The following MAGEL2 variants were observed in gnomAD, a reference collection of about 807,000 sequenced individuals.
MAGEL2 encodes MAGE family member L2, also known as MAGE-like protein 2.
For synonymous variants in MAGEL2, 792 were observed against 721.7 expected, an observed-to-expected ratio of 1.10 and a Z score of -1.56; for missense variants, 1,830 against 1,699.2, an observed-to-expected ratio of 1.08 and a Z score of -1.35.
At position 23,645,147 on chromosome 15, in the gene MAGEL2, C is replaced by T; in HGVS notation, c.2596G>A (p.Ala866Thr). 2.5e-6 allele frequency: 4 copies of T among 1,613,718 alleles called. No homozygotes were observed. In the South Asian group the frequency reaches 3.3e-5, roughly 13 times the overall value. ...MATAAAPQAT[A>T]TTQEASKTSV... ...GTCTTGGAGGCCTCTTGAGTGGTGG[C>T]AGTTGCCTGGGGGGCAGCTGCTGTA... Residue 866 changes from alanine (A) to threonine (T), a missense_variant, in exon 1 of 1, where the codon GCC becomes ACC. Transcript: ENST00000650528.
rs1440316054 is a variant in MAGEL2 at position 23,646,024 on chromosome 15, T to TGGGGCAGACAGC, written c.1707_1718dup (p.Leu574_Pro577dup). On this transcript the variant is annotated inframe_insertion, in exon 1 of 1. Transcript: ENST00000650528. This position sits in a 1 kb window ranked among gnomAD's most constrained non-coding sequence, Gnocchi z 4.2. ...AGTGCACAGCCTGCGGGGCAGACAG[T>TGGGGCAGACAGC]GGGGCAGACAGCGGGGCCGGCAGCA... The TGGGGCAGACAGC allele has an allele frequency of 5.2e-6, 8 of 1,545,336 alleles. No individual in the cohort carries two copies. The highest frequency in any genetic ancestry group is 3.6e-5 in the South Asian group (3 of 83,764).
In MAGEL2 at chr15:23,646,893, G is replaced by C; in HGVS notation, c.850C>G (p.Pro284Ala). 1 of 1,537,032 alleles carries C rather than the reference G, an allele frequency of 6.5e-7. No individual in the cohort carries two copies. Among genetic ancestry groups the C allele is most frequent in the Non-Finnish European group, 8.7e-7 (1 of 1,146,880 alleles). Residue 284 changes from proline (P) to alanine (A), a missense_variant, in exon 1 of 1, where the codon CCA becomes GCA. By Grantham distance (27) the Pro-to-Ala change is conservative. Coordinates refer to ENST00000650528, the MANE Select transcript of MAGEL2 (RefSeq NM_019066.5). The surrounding 1 kb of genome is among the most constrained non-coding windows in gnomAD (Gnocchi z 4.2). ...GGAGGATGAATCATCAGGACTCCTG[G>C]ACCTGGAGGCTTGGCCATCGGTGCT... Reference protein sequence around the residue: ...SGAPMAKPPGPGVLMIHPPGA... With the variant: ...SGAPMAKPPGAGVLMIHPPGA...
At position 23,646,786 on chromosome 15, in the gene MAGEL2, C is replaced by A; in HGVS notation, c.957G>T (p.Met319Ile). The change falls in exon 1 of 1, where the codon ATG becomes ATT. Residue 319 changes from methionine to isoleucine, a missense_variant. Met to Ile is a conservative substitution (Grantham distance 10). Coordinates refer to ENST00000650528, the MANE Select transcript of MAGEL2 (RefSeq NM_019066.5). The surrounding 1 kb of genome is among the most constrained non-coding windows in gnomAD (Gnocchi z 4.2). ...AQPAAPPAQP[M>I]APPAQPMASW... ...AAGCCATCGGCTGTGCAGGTGGGGC[C>A]ATCGGCTGTGCAGGTGGGGCCGCCG... The A allele has an allele frequency of 6.5e-7, 1 of 1,535,922 alleles. No homozygotes were observed. The highest frequency in any genetic ancestry group is 8.7e-7 in the Non-Finnish European group (1 of 1,146,814).
At position 23,644,668 on chromosome 15, in the gene MAGEL2, A is replaced by G. The variant is rs758835928; in HGVS notation, c.3075T>C (p.Asn1025=). The change falls in exon 1 of 1, where the codon AAT becomes AAC. Residue 1025 remains asparagine (N), a synonymous_variant. Transcript: ENST00000650528. ...TGACTAAGAGGAACTGCACCAACGCATTTGCCCTCTCATCCAAGGGAGACA... is the reference window on the plus strand; with the variant it reads ...TGACTAAGAGGAACTGCACCAACGCGTTTGCCCTCTCATCCAAGGGAGACA... ...QPLSPLDERA[N]ALVQFLLVKD... is the part of the protein sequence containing the mutation. 7.4e-6 allele frequency: 12 copies of G among 1,613,718 alleles called. No individual in the cohort carries two copies. In the South Asian group the frequency reaches 1.2e-4, roughly 16 times the overall value.
Position 23,644,919 on chromosome 15 carries a change from C to A in MAGEL2, c.2824G>T (p.Gly942Cys), listed in dbSNP as rs777917199. The A allele has an allele frequency of 6.2e-7, 1 of 1,613,468 alleles. No homozygotes were observed. The highest frequency in any genetic ancestry group is 1.7e-5 in the Admixed American group (1 of 60,030). The change falls in exon 1 of 1, where the codon GGC (glycine) becomes TGC (cysteine). Residue 942 changes from glycine to cysteine, a missense_variant. By Grantham distance (159) the Gly-to-Cys change is radical. Transcript: ENST00000650528. ...GDWEHPNTPRGLSGWEGPSTS... is the reference protein window; with the variant it reads ...GDWEHPNTPRCLSGWEGPSTS... Reference sequence around the variant, plus strand: ...CTAGGGCCCTCCCAACCACTCAGGCCACGGGGGGTGTTTGGGTGCTCCCAG... The same window carrying A: ...CTAGGGCCCTCCCAACCACTCAGGCAACGGGGGGTGTTTGGGTGCTCCCAG...
In MAGEL2 at chr15:23,647,090, G is replaced by A. The variant is rs780666545; in HGVS notation, c.653C>T (p.Pro218Leu). 9.1e-6 allele frequency: 14 copies of A among 1,533,310 alleles called. No individual in the cohort carries two copies. Among genetic ancestry groups the A allele is most frequent in the African/African-American group, 1.4e-5 (1 of 72,894 alleles). 95.0% of individuals were successfully genotyped at this position (1,533,310 alleles called of 1,614,324 possible). ...PMAHPPPPGT[P>L]MAHPPPPGTP... ...ACCCGGAGGGGGAGGATGAGCCATC[G>A]GTGTCCCCGGAGGTGGAGGATGAGC... The change falls in exon 1 of 1, where the codon CCG becomes CTG. Residue 218 changes from proline (P) to leucine (L), a missense_variant. Coordinates refer to ENST00000650528, the MANE Select transcript of MAGEL2 (RefSeq NM_019066.5).
In MAGEL2 at chr15:23,643,945, G is replaced by A; in HGVS notation, c.*48C>T. ...ACAAAAATGTCCCCCCACCCTGTCA[G>A]TGGCCTCTGGCCAGGGAAACACAGG... On this transcript the variant is annotated 3_prime_UTR_variant, in exon 1 of 1. Coordinates refer to ENST00000650528, the MANE Select transcript of MAGEL2 (RefSeq NM_019066.5). 1 of 1,494,220 alleles carries A rather than the reference G, an allele frequency of 6.7e-7. No homozygotes were observed. Among genetic ancestry groups the A allele is most frequent in the African/African-American group, 1.4e-5 (1 of 71,634 alleles). The allele number at this position is 1,494,220 out of a possible 1,614,324, so 92.6% of individuals were successfully genotyped here.
At position 23,645,939 on chromosome 15, in the gene MAGEL2, T is replaced by C. The variant is rs572717968; in HGVS notation, c.1804A>G (p.Thr602Ala). ...TGCACCTCCTGGAATTCCATTGACG[T>C]TGGAATCTCGTGTGGCACCGGGGGC... is the stretch of plus-strand genomic sequence containing the variant. ...GQPPVPHEIP[T>A]SMEFQEVQQT... The change falls in exon 1 of 1, where the codon ACG becomes GCG. Residue 602 changes from threonine (T) to alanine (A), a missense_variant. Physicochemically the swap from Thr to Ala is moderately conservative, Grantham distance 58 (BLOSUM62 0). Transcript: ENST00000650528. 3 of 1,569,286 alleles carry C rather than the reference T, an allele frequency of 1.9e-6. No homozygotes were observed. Among genetic ancestry groups the C allele is most frequent in the African/African-American group, 1.4e-5 (1 of 73,810 alleles).
In MAGEL2 at chr15:23,644,560, G is replaced by A; in HGVS notation, c.3183C>T (p.Ile1061=). The part of the protein sequence containing the change: ...LREYKDECLD[I]INRANNKLEC... ...CCAGCTTATTGTTGGCACGGTTGAT[G>A]ATATCTAAGCACTCATCTTTATACT... is the stretch of plus-strand genomic sequence containing the variant. The change falls in exon 1 of 1, where the codon ATC becomes ATT. Residue 1061 remains isoleucine (I), a synonymous_variant. Coordinates refer to ENST00000650528, the MANE Select transcript of MAGEL2 (RefSeq NM_019066.5). 2 of 1,613,916 alleles carry A rather than the reference G, an allele frequency of 1.2e-6. No individual in the cohort carries two copies. The highest frequency in any genetic ancestry group is 1.7e-6 in the Non-Finnish European group (2 of 1,179,884).
At position 23,646,340 on chromosome 15, in the gene MAGEL2, G is replaced by T; in HGVS notation, c.1403C>A (p.Ala468Asp). Reference sequence around the variant, plus strand: ...TGGGGCCTGGCGGATCACAGGTGGGGCCTGGCGGATCACAGCGGGGGCCTG... The same window carrying T: ...TGGGGCCTGGCGGATCACAGGTGGGTCCTGGCGGATCACAGCGGGGGCCTG... Reference protein sequence around the residue: ...IRQAPAVIRQAPPVIRQAPPV... With the variant: ...IRQAPAVIRQDPPVIRQAPPV... Residue 468 changes from alanine (A) to aspartate (D), a missense_variant, in exon 1 of 1, where the codon GCC becomes GAC. Coordinates refer to ENST00000650528, the MANE Select transcript of MAGEL2 (RefSeq NM_019066.5). This position sits in a 1 kb window ranked among gnomAD's most constrained non-coding sequence, Gnocchi z 4.2. 7.3e-7 allele frequency: 1 copy of T among 1,377,372 alleles called. No individual in the cohort carries two copies. The highest frequency in any genetic ancestry group is 9.3e-7 in the Non-Finnish European group (1 of 1,076,028). 85.3% of individuals were successfully genotyped at this position (1,377,372 alleles called of 1,614,324 possible).
At position 23,643,963 on chromosome 15, in the gene MAGEL2, AAC is replaced by A. The variant is rs750303660; in HGVS notation, c.*28_*29del. On this transcript the variant is annotated 3_prime_UTR_variant, in exon 1 of 1. Coordinates refer to ENST00000650528, the MANE Select transcript of MAGEL2 (RefSeq NM_019066.5). ...CCTGTCAGTGGCCTCTGGCCAGGGA[AAC>A]ACAGGAGCGAGATCTCTGCTACACC... 8 of 1,520,440 alleles carry A rather than the reference AAC, an allele frequency of 5.3e-6. No homozygotes were observed. In the South Asian group the frequency reaches 1.1e-4, roughly 21 times the overall value. The allele number at this position is 1,520,440 out of a possible 1,614,324, so 94.2% of individuals were successfully genotyped here.
In MAGEL2 at chr15:23,646,439, G is replaced by T. The variant is rs2233062; in HGVS notation, c.1304C>A (p.Pro435Gln). The T allele has an allele frequency of 3.5e-6, 5 of 1,424,178 alleles. No homozygotes were observed. Among genetic ancestry groups the T allele is most frequent in the Non-Finnish European group, 3.6e-6 (4 of 1,098,490 alleles). The allele number at this position is 1,424,178 out of a possible 1,614,324, so 88.2% of individuals were successfully genotyped here. ...CACCGGTGGGGCCTGGCGGATCAGC[G>T]GTGGGGCCTGTCGCACCGGTGGTGG... ...PGPPPVRQAP[P>Q]LIRQAPPVIR... Residue 435 changes from proline to glutamine, a missense_variant, in exon 1 of 1, where the codon CCG becomes CAG. Physicochemically the swap from Pro to Gln is moderately conservative, Grantham distance 76. Transcript: ENST00000650528. This position sits in a 1 kb window ranked among gnomAD's most constrained non-coding sequence, Gnocchi z 4.2.
Position 23,646,590 on chromosome 15 carries a change from T to C in MAGEL2, c.1153A>G (p.Thr385Ala), listed in dbSNP as rs1360596249. The C allele has an allele frequency of 1.4e-6, 2 of 1,469,416 alleles. No homozygotes were observed. Among genetic ancestry groups the C allele is most frequent in the African/African-American group, 1.4e-5 (1 of 70,904 alleles). The allele number at this position is 1,469,416 out of a possible 1,614,324, so 91.0% of individuals were successfully genotyped here. A position where few individuals can be genotyped will look rare whatever the true frequency, so the allele number is the denominator to read the frequency against. The change falls in exon 1 of 1, where the codon ACT (threonine) becomes GCT (alanine). Residue 385 changes from threonine (T) to alanine (A), a missense_variant. Physicochemically the swap from Thr to Ala is moderately conservative, Grantham distance 58 (BLOSUM62 0). Coordinates refer to ENST00000650528, the MANE Select transcript of MAGEL2 (RefSeq NM_019066.5). This position sits in a 1 kb window ranked among gnomAD's most constrained non-coding sequence, Gnocchi z 4.2. ...TGCGTGGTCTGCCAAGTCAGGGGAG[T>C]GGCCTGCCAGCCTTGCTGCGTGGCC... The part of the protein sequence containing the change: ...WQATQQGWQA[T>A]PLTWQTTQVT...
At position 23,644,856 on chromosome 15, in the gene MAGEL2, C is replaced by A; in HGVS notation, c.2887G>T (p.Ala963Ser). ...RILSGWEGPS[A>S]SWALSAWEGP... is the part of the protein sequence containing the mutation. ...TCCCAGGCACTCAGGGCCCAGGATG[C>A]GCTGGGCCCTTCCCAGCCACTCAGG... Residue 963 changes from alanine to serine, a missense_variant, in exon 1 of 1, where the codon GCA becomes TCA. By Grantham distance (99) the Ala-to-Ser change is moderately conservative. Coordinates refer to ENST00000650528, the MANE Select transcript of MAGEL2 (RefSeq NM_019066.5). 6.2e-7 allele frequency: 1 copy of A among 1,611,900 alleles called. No individual in the cohort carries two copies. Among genetic ancestry groups the A allele is most frequent in the East Asian group, 2.2e-5 (1 of 44,856 alleles).
Position 23,643,909 on chromosome 15 carries a change from A to G in MAGEL2, c.*84T>C, listed in dbSNP as rs2063688575. 1.4e-6 allele frequency: 2 copies of G among 1,412,774 alleles called. No homozygotes were observed. The highest frequency in any genetic ancestry group is 9.3e-7 in the Non-Finnish European group (1 of 1,072,030). 87.5% of individuals were successfully genotyped at this position (1,412,774 alleles called of 1,614,324 possible). The stretch of plus-strand genomic sequence containing the variant: ...ACGTACACTCGTGGAACTGGAACAC[A>G]AACACCAGGAACAAAAATGTCCCCC... On this transcript the variant is annotated 3_prime_UTR_variant, in exon 1 of 1. Coordinates refer to ENST00000650528, the MANE Select transcript of MAGEL2 (RefSeq NM_019066.5).
chr15:23,647,789 G>A lies in MAGEL2; in HGVS notation c.-47C>T, dbSNP rs997470959. 2 of 1,430,492 alleles carry A rather than the reference G, an allele frequency of 1.4e-6. No individual in the cohort carries two copies. The highest frequency in any genetic ancestry group is 1.8e-6 in the Non-Finnish European group (2 of 1,097,512). The allele number at this position is 1,430,492 out of a possible 1,614,324, so 88.6% of individuals were successfully genotyped here. On this transcript the variant is annotated 5_prime_UTR_variant, in exon 1 of 1. Coordinates refer to ENST00000650528, the MANE Select transcript of MAGEL2 (RefSeq NM_019066.5). ...GGGTCTTTTCCTCGGACAGCTGCTG[G>A]GCCTTTTCCTCCAGAGAGAAGAGAA...
rs2140716042 is a variant in MAGEL2, at chr15:23,646,298, G to A, written c.1445C>T (p.Ala482Val). 1 of 1,372,880 alleles carries A rather than the reference G, an allele frequency of 7.3e-7. No individual in the cohort carries two copies. The highest frequency in any genetic ancestry group is 3.0e-5 in the East Asian group (1 of 33,524). 85.0% of individuals were successfully genotyped at this position (1,372,880 alleles called of 1,614,324 possible). Residue 482 changes from alanine (A) to valine (V), a missense_variant, in exon 1 of 1, where the codon GCT becomes GTT. Transcript: ENST00000650528. This position sits in a 1 kb window ranked among gnomAD's most constrained non-coding sequence, Gnocchi z 4.2. The part of the protein sequence containing the change: ...IRQAPPVIRQ[A>V]PPVIRQAPPL... ...CGGGGCCTGGCGGATCACAGGTGGA[G>A]CCTGGCGGATCACAGGTGGGGCCTG...
chr15:23,644,648 A>G lies in MAGEL2; in HGVS notation c.3095T>C (p.Leu1032Ser). 1 of 1,613,840 alleles carries G rather than the reference A, an allele frequency of 6.2e-7. No homozygotes were observed. The highest frequency in any genetic ancestry group is 1.3e-5 in the African/African-American group (1 of 75,012). The part of the protein sequence containing the change: ...ERANALVQFL[L>S]VKDQAKVPVQ... The stretch of plus-strand genomic sequence containing the variant: ...AGGCACCTTGGCTTGGTCCTTGACT[A>G]AGAGGAACTGCACCAACGCATTTGC... Residue 1032 changes from leucine (L) to serine (S), a missense_variant, in exon 1 of 1, where the codon TTA (leucine) becomes TCA (serine). Coordinates refer to ENST00000650528, the MANE Select transcript of MAGEL2 (RefSeq NM_019066.5).
chr15:23,647,728 A>C lies in MAGEL2; in HGVS notation c.15T>G (p.Ser5Arg). 6.8e-7 allele frequency: 1 copy of C among 1,460,998 alleles called. No individual in the cohort carries two copies. The highest frequency in any genetic ancestry group is 9.0e-7 in the Non-Finnish European group (1 of 1,112,646). The allele number at this position is 1,460,998 out of a possible 1,614,324, so 90.5% of individuals were successfully genotyped here. The change falls in exon 1 of 1, where the codon AGT becomes AGG. Residue 5 changes from serine (S) to arginine (R), a missense_variant. Ser to Arg is a moderately radical substitution (Grantham distance 110). Transcript: ENST00000650528. Reference sequence around the variant, plus strand: ...GAGGACTCGAGTCACCCAGATTCTTACTTAGCTGCGACATGTCCCTTTGCT... The same window carrying C: ...GAGGACTCGAGTCACCCAGATTCTTCCTTAGCTGCGACATGTCCCTTTGCT... MSQL[S>R]KNLGDSSPPA...
Sources: allele counts gnomAD v4.1 joint callset, GRCh38; gene constraint gnomAD v4.1.1; non-coding constraint Gnocchi (gnomAD v3.1); transcripts MANE v1.5; gene names NCBI Gene and HGNC (gene_info 2026-07-23, HGNC 2026-07-21).